The following KCNJ6 variants were observed in gnomAD, a reference collection of about 807,000 sequenced individuals.
The protein encoded by KCNJ6 is potassium inwardly rectifying channel subfamily J member 6.
KCNJ6 carries 9 observed loss-of-function variants against 34.2 expected under a neutral mutation model. The ratio of observed to expected loss-of-function variants is 0.26; its 90% CI spans 0.16 to 0.46. The LOEUF is 0.46. Among genes scored for constraint, KCNJ6 ranks in the 20% least tolerant of loss-of-function variants. The pLI, the probability that KCNJ6 is intolerant of heterozygous loss-of-function variation, is 1.00. For synonymous variants in KCNJ6, 196 were observed against 207.1 expected, an observed-to-expected ratio of 0.95 and a Z score of 0.46; for missense variants, 236 against 531.3, an observed-to-expected ratio of 0.44 and a Z score of 5.46.
At chr21:37,654,894 T>TG (rs947416824) in intron 3 of KCNJ6, among the ~76,000 whole-genome samples, 4 of 151,426 alleles carry the variant, frequency 2.6e-5, no homozygotes, top group Admixed American at 2.6e-4. Flanking sequence ...CCAATCGGCA[T>TG]GGACATCCCC....
chr21:37,633,907 C>A (rs955017202), intron 3 of KCNJ6, among the ~76,000 whole-genome samples: 6 of 143,070 alleles, frequency 4.2e-5, no homozygotes, highest in Non-Finnish European at 6.0e-5. Context: ...CAATACAATC[C>A]CAACAAAACA....
At chr21:37,893,549 T>C (rs1356348599) in intron 1 of KCNJ6, among the ~76,000 whole-genome samples, 1 of 152,104 alleles carries the variant, frequency 6.6e-6, no homozygotes, top group African/African-American at 2.4e-5. Context: ...CTTTGGTCCA[T>C]ACCTTCTTGC....
rs1166426534 is a variant in KCNJ6 at position 37,714,032 on chromosome 21, G to A, written c.946+179C>T. ...AGGGCTTTAAAAAACTAAATGGTTA[G>A]GCTTCTTGGTGGATATACTTCAGGT... On this transcript the variant is annotated intron_variant, in intron 3 of 3. Transcript: ENST00000609713. The surrounding 1 kb of genome is among the most constrained non-coding windows in gnomAD (Gnocchi z 5.9). Among the ~76,000 whole-genome samples the A allele has an allele frequency of 6.6e-6, 1 of 151,992 alleles. No homozygotes were observed. Among genetic ancestry groups the A allele is most frequent in the Non-Finnish European group, 1.5e-5 (1 of 68,006 alleles).
intron 2 of KCNJ6, among the ~76,000 whole-genome samples, chr21:37,800,816 C>T (rs1188250714): frequency 6.6e-6 from 1 of 152,192 alleles, no homozygotes; most frequent in Non-Finnish European, 1.5e-5. Flanking sequence ...CGGAGGTTCC[C>T]AACCTCCCAG....
chr21:37,906,332 T>G (rs2123650175), intron 1 of KCNJ6, among the ~76,000 whole-genome samples: 1 of 152,358 alleles, frequency 6.6e-6, no homozygotes, highest in East Asian at 1.9e-4. Flanking sequence ...TTTCTAGTTG[T>G]GACCCTACCT....
At chr21:37,733,272 G>A (rs1251997556) in intron 2 of KCNJ6, among the ~76,000 whole-genome samples, 1 of 152,214 alleles carries the variant, frequency 6.6e-6, no homozygotes, top group African/African-American at 2.4e-5. Context: ...GAATGCAAAA[G>A]GCCTATGTTT....
chr21:37,774,440 C>T (rs909023280), intron 2 of KCNJ6, among the ~76,000 whole-genome samples: 5 of 152,042 alleles, frequency 3.3e-5, no homozygotes, highest in African/African-American at 1.2e-4. Context: ...TGTTGGTGCG[C>T]TGCACCCATT....
chr21:37,632,991 A>G (rs1295939539), intron 3 of KCNJ6, among the ~76,000 whole-genome samples: 2 of 152,106 alleles, frequency 1.3e-5, no homozygotes, highest in African/African-American at 4.8e-5. Flanking sequence ...CTATAAGGCA[A>G]ATAATCTTGA....
At chr21:37,672,617 GCTTAGTATAAA>G (rs1160987304) in intron 3 of KCNJ6, among the ~76,000 whole-genome samples, 1 of 151,878 alleles carries the variant, frequency 6.6e-6, no homozygotes, top group African/African-American at 2.4e-5. Context: ...TATATCCTTA[GCTTAGTATAAA>G]CTTATCAGCT....
At chr21:37,721,069 C>T (rs2054823934) in intron 2 of KCNJ6, among the ~76,000 whole-genome samples, 1 of 152,136 alleles carries the variant, frequency 6.6e-6, no homozygotes, top group African/African-American at 2.4e-5. Context: ...ATAAAGAACT[C>T]TTACACCTTA....
At chr21:37,863,223 TG>T (rs2055603578) in intron 1 of KCNJ6, among the ~76,000 whole-genome samples, 1 of 152,182 alleles carries the variant, frequency 6.6e-6, no homozygotes, top group Non-Finnish European at 1.5e-5. Context: ...GAGTAAAACA[TG>T]GAGTAATAAA....
intron 1 of KCNJ6, among the ~76,000 whole-genome samples, chr21:37,886,912 C>T (rs182877852): frequency 1.3e-5 from 2 of 152,112 alleles, no homozygotes; most frequent in East Asian, 3.9e-4. Flanking sequence ...ACTATTTCCC[C>T]CACCACCTGA....
chr21:37,888,071 C>T (rs2055744263), intron 1 of KCNJ6, among the ~76,000 whole-genome samples: 1 of 152,160 alleles, frequency 6.6e-6, no homozygotes, highest in African/African-American at 2.4e-5. Context: ...CTGAGACAGG[C>T]TGTTCCCAAT....
intron 2 of KCNJ6, among the ~76,000 whole-genome samples, chr21:37,717,826 T>C (rs2054801759): frequency 6.6e-6 from 1 of 152,204 alleles, no homozygotes; most frequent in East Asian, 1.9e-4. Flanking sequence ...GATTCTCAAG[T>C]CTTCAGTGAT....
intron 1 of KCNJ6, among the ~76,000 whole-genome samples, chr21:37,908,030 C>G (rs929132380): frequency 1.3e-5 from 2 of 152,202 alleles, no homozygotes; most frequent in East Asian, 1.9e-4. Flanking sequence ...GTTTTCTAAT[C>G]CAGTATTACT....
chr21:37,646,995 A>G (rs1278776019), intron 3 of KCNJ6, among the ~76,000 whole-genome samples: 1 of 152,112 alleles, frequency 6.6e-6, no homozygotes, highest in African/African-American at 2.4e-5. Context: ...GTTTAGTTTC[A>G]ACAGCAGCTC....
chr21:37,727,434 G>A (rs142747077), intron 2 of KCNJ6, among the ~76,000 whole-genome samples: 3 of 145,204 alleles, frequency 2.1e-5, no homozygotes, highest in Non-Finnish European at 4.5e-5. Flanking sequence ...GAGCTGGAGG[G>A]GAGCTGAATG....
At chr21:37,727,945 A>G (rs1420363483) in intron 2 of KCNJ6, among the ~76,000 whole-genome samples, 1 of 152,274 alleles carries the variant, frequency 6.6e-6, no homozygotes, top group East Asian at 1.9e-4. Context: ...CAGATCAAGC[A>G]AAGCCTTCTG....
chr21:37,908,493 A>T (rs1313050016), intron 1 of KCNJ6, among the ~76,000 whole-genome samples: 1 of 152,244 alleles, frequency 6.6e-6, no homozygotes, highest in African/African-American at 2.4e-5. Context: ...AGTCAACAGC[A>T]AGTGCCAGAT....
Sources: gnomAD v4.1 joint callset for allele counts (sites outside exome capture counted in the v4.1 genomes callset) on GRCh38, gnomAD v4.1.1 for gene constraint, Gnocchi (gnomAD v3.1) non-coding constraint, MANE v1.5 for transcripts, NCBI Gene and HGNC (gene_info 2026-07-23, HGNC 2026-07-21) for gene names.